Variants in PKHD1 observed in about 807,000 individuals in gnomAD.
PKHD1 encodes PKHD1 ciliary IPT domain containing fibrocystin/polyductin.
In PKHD1, 291 loss-of-function variants were observed where a neutral mutation model predicts 412.0. The ratio of observed to expected loss-of-function variants is 0.71; its 90% CI spans 0.64 to 0.78. The LOEUF is 0.78. PKHD1 is among the 30% of genes least tolerant of loss of function. The pLI is 0.00. For missense variants in PKHD1, 4,825 were observed against 4,950.7 expected (o/e 0.97, Z 0.76); for synonymous variants, 1,777 against 1,821.5 (o/e 0.98, Z 0.62).
chr6:51,814,861 C>G (rs776299245), intron 52 of PKHD1, among the ~76,000 whole-genome samples: 14 of 152,188 alleles, frequency 9.2e-5, no homozygotes, highest in African/African-American at 3.4e-4. Flanking sequence ...GAACCCACCC[C>G]CTCCTTGCAT....
At chr6:52,080,675 T>C (rs1199375743) in intron 4 of PKHD1, among the ~76,000 whole-genome samples, 1 of 152,328 alleles carries the variant, frequency 6.6e-6, no homozygotes, top group South Asian at 2.1e-4. Context: ...TGTTAGCCAC[T>C]AGTCTTATGT....
intron 63 of PKHD1, among the ~76,000 whole-genome samples, chr6:51,647,131 TC>T: frequency 6.6e-6 from 1 of 152,314 alleles, no homozygotes; most frequent in East Asian, 1.9e-4. Flanking sequence ...TAACATATTT[TC>T]TGTGGATAAT....
chr6:51,836,738 T>C (rs762146935), intron 50 of PKHD1, among the ~76,000 whole-genome samples: 2 of 152,180 alleles, frequency 1.3e-5, no homozygotes, highest in Non-Finnish European at 2.9e-5. Flanking sequence ...ACGAAACCTT[T>C]AGCCATATGT....
chr6:52,043,217 CA>C (rs1306535562), intron 26 of PKHD1, 83 bp from the exon 27 acceptor site: 1 of 1,121,852 alleles, frequency 8.9e-7, no homozygotes, highest in East Asian at 2.6e-5. Flanking sequence ...TCACTATCAT[CA>C]AATGTTCCTT....
At chr6:51,825,557 AC>A (rs2151480515) in intron 52 of PKHD1, among the ~76,000 whole-genome samples, 1 of 152,234 alleles carries the variant, frequency 6.6e-6, no homozygotes, top group South Asian at 2.1e-4. Flanking sequence ...CATATGAATG[AC>A]CCATCTTAAA....
chr6:51,648,004 T>C (rs1177576929), intron 63 of PKHD1, 27 bp downstream of exon 63: 2 of 1,281,926 alleles, frequency 1.6e-6, no homozygotes, highest in Non-Finnish European at 2.3e-6. Context: ...GTAACAGATA[T>C]CTGAAATTTA....
chr6:52,060,745 TG>T (rs1251219532), intron 14 of PKHD1, among the ~76,000 whole-genome samples: 1 of 152,198 alleles, frequency 6.6e-6, no homozygotes, highest in East Asian at 1.9e-4. Context: ...AATATAAAGA[TG>T]TTTTTAAATT....
chr6:51,887,576 A>T lies in PKHD1; in HGVS notation c.6997-331T>A, dbSNP rs180686106. Among the ~76,000 whole-genome samples the T allele has an allele frequency of 2.1e-4, 32 of 152,212 alleles. 1 individual carries two copies. Among genetic ancestry groups the T allele is most frequent in the African/African-American group, 7.7e-4 (32 of 41,538 alleles). On this transcript the variant is annotated intron_variant, in intron 43 of 66. Transcript: ENST00000371117. ...CCCTTAGTACTGTCCTCACCATAGTAAGTGAGTTCTCATGAGATCTGGTAG... is the reference window on the plus strand; with the variant it reads ...CCCTTAGTACTGTCCTCACCATAGTTAGTGAGTTCTCATGAGATCTGGTAG...
chr6:51,746,819 T>G lies in PKHD1; in HGVS notation c.9900A>C (p.Ala3300=). 2 of 1,610,512 alleles carry G rather than the reference T, an allele frequency of 1.2e-6. No individual in the cohort carries two copies. Among genetic ancestry groups the G allele is most frequent in the East Asian group, 4.5e-5 (2 of 44,818 alleles). Residue 3300 remains alanine (A), a synonymous_variant, in exon 59 of 67, where the codon GCA becomes GCC. Coordinates refer to ENST00000371117, the MANE Select transcript of PKHD1 (RefSeq NM_138694.4). ...DDLDVCILPN[A]ENSGIMHPIT... ...TTGGGTGCATAATTCCACTGTTCTC[T>G]GCATTTGGTAGAATGCAGACATCCA...
chr6:51,789,960 G>A (rs1793480361), intron 53 of PKHD1, among the ~76,000 whole-genome samples: 1 of 152,122 alleles, frequency 6.6e-6, no homozygotes, highest in African/African-American at 2.4e-5. Flanking sequence ...TTTAAACAAT[G>A]GGAACAGGTT....
chr6:52,022,229 G>A (rs1375077887), intron 33 of PKHD1, among the ~76,000 whole-genome samples: 1 of 152,218 alleles, frequency 6.6e-6, no homozygotes, highest in Non-Finnish European at 1.5e-5. Flanking sequence ...GCTTAAAGTA[G>A]TGAGCAATTG....
intron 37 of PKHD1, among the ~76,000 whole-genome samples, chr6:51,918,970 T>C (rs1179770664): frequency 1.3e-5 from 2 of 152,230 alleles, no homozygotes; most frequent in Non-Finnish European, 2.9e-5. Flanking sequence ...GCCCACTTTT[T>C]GATGGGGTTG....
chr6:51,839,067 T>C (rs1769726669), intron 50 of PKHD1, among the ~76,000 whole-genome samples: 1 of 152,202 alleles, frequency 6.6e-6, no homozygotes, highest in South Asian at 2.1e-4. Context: ...TATCTAATCA[T>C]GATGAGCTGT....
chr6:52,010,233 G>GT (rs1799630295), intron 35 of PKHD1, 76 bp downstream of exon 35: 3 of 1,332,118 alleles, frequency 2.3e-6, no homozygotes, highest in Non-Finnish European at 3.2e-6. Flanking sequence ...GGACTAAATT[G>GT]TTTTTTTAAT....
intron 60 of PKHD1, among the ~76,000 whole-genome samples, chr6:51,695,034 G>GA (rs1778633544): frequency 6.6e-6 from 1 of 152,118 alleles, no homozygotes; most frequent in Non-Finnish European, 1.5e-5. Context: ...AACAAAAATT[G>GA]AAGAATAAAG....
chr6:51,685,762 G>T (rs546805435), intron 60 of PKHD1, among the ~76,000 whole-genome samples: 94 of 152,212 alleles, frequency 6.2e-4, no homozygotes, highest in African/African-American at 2.2e-3. Flanking sequence ...GGCAGTGGTT[G>T]CCAAAGTATT....
chr6:51,863,294 A>C (rs575998052), intron 48 of PKHD1, among the ~76,000 whole-genome samples: 11 of 152,260 alleles, frequency 7.2e-5, no homozygotes, highest in Non-Finnish European at 1.6e-4. Context: ...GTAAAAACTC[A>C]GAAGGACTGG....
intron 43 of PKHD1, among the ~76,000 whole-genome samples, chr6:51,895,833 G>T (rs570190409): frequency 6.6e-6 from 1 of 152,182 alleles, no homozygotes; most frequent in East Asian, 1.9e-4. Context: ...GCCGAAGCAG[G>T]GTGAGGCATT....
At position 51,905,571 on chromosome 6, in the gene PKHD1, G is replaced by A. The variant is rs546549777; in HGVS notation, c.6808+644C>T. Among the ~76,000 whole-genome samples, 90 of 152,088 alleles carry A rather than the reference G, an allele frequency of 5.9e-4. 2 individuals carry two copies. Among genetic ancestry groups the A allele is most frequent in the Admixed American group, 2.0e-3 (30 of 15,246 alleles). On this transcript the variant is annotated intron_variant, in intron 41 of 66. Coordinates refer to ENST00000371117, the MANE Select transcript of PKHD1 (RefSeq NM_138694.4). Reference sequence around the variant, plus strand: ...TATTTTAATGTCACTAGAGTATGGAGAAAGAGAAAAAAAACAAGACAAGTT... The same window carrying A: ...TATTTTAATGTCACTAGAGTATGGAAAAAGAGAAAAAAAACAAGACAAGTT...
Sources: gnomAD v4.1 joint callset for allele counts (sites outside exome capture counted in the v4.1 genomes callset) on GRCh38, gnomAD v4.1.1 for gene constraint, MANE v1.5 for transcripts, NCBI Gene and HGNC (gene_info 2026-07-23, HGNC 2026-07-21) for gene names.